The following SLC6A6 variants were observed in gnomAD, a reference collection of about 807,000 sequenced individuals.
SLC6A6 encodes the protein sodium- and chloride-dependent taurine transporter.
A neutral mutation model predicts 68.8 loss-of-function variants in SLC6A6; 16 were observed. The ratio of observed to expected loss-of-function variants is 0.23; its 90% confidence interval spans 0.16 to 0.35. The LOEUF (loss-of-function observed/expected upper bound fraction) is 0.35, where lower values mean the gene tolerates loss of function less well. SLC6A6 is among the 10% of genes least tolerant of loss of function. The probability of loss-of-function intolerance (pLI) is 1.00; values close to 1 mark genes in which losing one functional copy is unlikely to be tolerated. For synonymous variants in SLC6A6, 312 were observed against 315.4 expected (o/e 0.99, Z 0.12); for missense variants, 474 against 802.8 (o/e 0.59, Z 4.95).
rs1401538236 is a variant in SLC6A6, at chr3:14,468,693, GT to G, written c.1096+482del. Reference sequence around the variant, plus strand: ...TTTCTCGTGAATGAGTCCCAACTCTGTGTCAGGCACCACCGTAGGCACTGGG... The same window carrying G: ...TTTCTCGTGAATGAGTCCCAACTCTGGTCAGGCACCACCGTAGGCACTGGG... On this transcript the variant is annotated intron_variant, in intron 9 of 14. Transcript: ENST00000622186. The surrounding 1 kb of genome is among the most constrained non-coding windows in gnomAD (Gnocchi z 4.5). Among the ~76,000 whole-genome samples the G allele has an allele frequency of 6.6e-6, 1 of 152,166 alleles. No individual in the cohort carries two copies. The highest frequency in any genetic ancestry group is 2.4e-5 in the African/African-American group (1 of 41,434).
chr3:14,467,378 T>C (rs1209177087), intron 7 of SLC6A6, among the ~76,000 whole-genome samples: 4 of 152,128 alleles, frequency 2.6e-5, no homozygotes, highest in Non-Finnish European at 4.4e-5. Flanking sequence ...CCTTCTGCAT[T>C]CTAACTCGGG....
chr3:14,414,408 G>C (rs543787786), intron 1 of SLC6A6, among the ~76,000 whole-genome samples: 2 of 152,208 alleles, frequency 1.3e-5, no homozygotes, highest in African/African-American at 4.8e-5. Flanking sequence ...AGTCCATCTA[G>C]ACCCCTTGGG....
At chr3:14,419,224 C>A (rs1699433441) in intron 2 of SLC6A6, among the ~76,000 whole-genome samples, 1 of 152,204 alleles carries the variant, frequency 6.6e-6, no homozygotes, top group South Asian at 2.1e-4. Flanking sequence ...GCCCTCTTGG[C>A]TTAACACTTT....
intron 2 of SLC6A6, among the ~76,000 whole-genome samples, chr3:14,441,311 C>G (rs550720812): frequency 6.6e-6 from 1 of 152,112 alleles, no homozygotes; most frequent in Non-Finnish European, 1.5e-5. Context: ...ATGCGCCCAC[C>G]GAGCCAGCCC....
At chr3:14,464,718 T>TG (rs1700576560) in intron 6 of SLC6A6, among the ~76,000 whole-genome samples, 1 of 152,200 alleles carries the variant, frequency 6.6e-6, no homozygotes, top group South Asian at 2.1e-4. Flanking sequence ...AGCAGTGCCC[T>TG]GGCACTGCAC....
chr3:14,464,206 C>A (rs1049977032), intron 6 of SLC6A6, among the ~76,000 whole-genome samples: 1 of 152,162 alleles, frequency 6.6e-6, no homozygotes, highest in Non-Finnish European at 1.5e-5. Flanking sequence ...TGGCTTCAGA[C>A]CTGAGGGCCT....
At chr3:14,416,832 C>G (rs1699372651) in intron 2 of SLC6A6, among the ~76,000 whole-genome samples, 1 of 152,248 alleles carries the variant, frequency 6.6e-6, no homozygotes, top group Admixed American at 6.5e-5. Context: ...GAGCTTGGCT[C>G]TGTCTCTGTT....
chr3:14,435,732 C>T (rs1322290033), intron 2 of SLC6A6, among the ~76,000 whole-genome samples: 1 of 152,216 alleles, frequency 6.6e-6, no homozygotes, highest in African/African-American at 2.4e-5. Context: ...AGTCTGGCCC[C>T]CTCTGTGTTT....
In SLC6A6 at chr3:14,477,473, C is replaced by A; in HGVS notation, c.1347+131C>A. The stretch of plus-strand genomic sequence containing the variant: ...TCCCAGCCCCACCCAATTCAGGGGT[C>A]CTGCTTGGACCAACACTGGGGGTAG... On this transcript the variant is annotated intron_variant, in intron 11 of 14. Transcript: ENST00000622186. The surrounding 1 kb of genome is among the most constrained non-coding windows in gnomAD (Gnocchi z 4.2). The A allele has an allele frequency of 1.1e-6, 1 of 887,590 alleles. No individual in the cohort carries two copies. Among genetic ancestry groups the A allele is most frequent in the Non-Finnish European group, 1.8e-6 (1 of 566,644 alleles). The allele number at this position is 887,590 out of a possible 1,614,324, so 55.0% of individuals were successfully genotyped here.
intron 10 of SLC6A6, among the ~76,000 whole-genome samples, chr3:14,473,629 G>A (rs1310356034): frequency 6.6e-6 from 1 of 152,196 alleles, no homozygotes; most frequent in Non-Finnish European, 1.5e-5. Flanking sequence ...ATTTGGCAGA[G>A]AAGGGGGCAG....
intron 6 of SLC6A6, among the ~76,000 whole-genome samples, chr3:14,461,721 A>C (rs532927619): frequency 6.6e-6 from 1 of 152,168 alleles, no homozygotes; most frequent in South Asian, 2.1e-4. Flanking sequence ...AGGCCCTTTC[A>C]CTTTCTCAGC....
chr3:14,408,742 C>T (rs1440429414), intron 1 of SLC6A6, among the ~76,000 whole-genome samples: 1 of 151,988 alleles, frequency 6.6e-6, no homozygotes, highest in Admixed American at 6.6e-5. Context: ...GTTTTGATTT[C>T]CTCTTTGATC....
At chr3:14,441,432 C>T (rs548700159) in intron 2 of SLC6A6, among the ~76,000 whole-genome samples, 53 of 152,258 alleles carry the variant, frequency 3.5e-4, no homozygotes, top group African/African-American at 1.1e-3. Flanking sequence ...ATCCCGCGCC[C>T]GGCCCCGAGG....
intron 1 of SLC6A6, among the ~76,000 whole-genome samples, chr3:14,415,807 G>A (rs535361921): frequency 4.6e-5 from 7 of 152,202 alleles, no homozygotes; most frequent in South Asian, 4.2e-4. Flanking sequence ...AGTGATTCTC[G>A]CCCCTGAACT....
In SLC6A6 at chr3:14,445,289, C is replaced by T. The variant is rs560994928; in HGVS notation, c.230-428C>T. Among the ~76,000 whole-genome samples, 242 of 151,988 alleles carry T rather than the reference C, an allele frequency of 1.6e-3. 2 individuals carry two copies. The highest frequency in any genetic ancestry group is 4.3e-3 in the East Asian group (22 of 5,158). ...ACAAAAAATTAGCCGGGCGTGGTGGCGGGCGCCTGTAGTCCCAGCTACTCG... is the reference window on the plus strand; with the variant it reads ...ACAAAAAATTAGCCGGGCGTGGTGGTGGGCGCCTGTAGTCCCAGCTACTCG... On this transcript the variant is annotated intron_variant, in intron 3 of 14. Transcript: ENST00000622186.
chr3:14,403,018 C>A (rs1474690924), intron 1 of SLC6A6, among the ~76,000 whole-genome samples, 171 bp downstream of exon 1: 3 of 152,076 alleles, frequency 2.0e-5, no homozygotes, highest in Non-Finnish European at 4.4e-5. Flanking sequence ...GTCCCGCTGG[C>A]GGGGCTGTTA....
chr3:14,466,683 C>T, intron 7 of SLC6A6, 33 bp downstream of exon 7: 1 of 1,583,156 alleles, frequency 6.3e-7, no homozygotes, highest in Non-Finnish European at 8.6e-7. Flanking sequence ...CATCCTCCCT[C>T]CCATCCAGGG....
Position 14,458,087 on chromosome 3 carries a change from G to T in SLC6A6, c.732+5G>T. ...GGCGTCAGGTCCACTGGGAAGGTAAGTTGGACTTCTGTCCGTCCCCTGCCT... is the reference window on the plus strand; with the variant it reads ...GGCGTCAGGTCCACTGGGAAGGTAATTTGGACTTCTGTCCGTCCCCTGCCT... On this transcript the variant is annotated splice_donor_5th_base_variant and intron_variant, in intron 6 of 14. Transcript: ENST00000622186. 6.2e-7 allele frequency: 1 copy of T among 1,613,712 alleles called. No individual in the cohort carries two copies. The highest frequency in any genetic ancestry group is 8.5e-7 in the Non-Finnish European group (1 of 1,179,598).
At chr3:14,470,662 G>C (rs144480414) in intron 9 of SLC6A6, among the ~76,000 whole-genome samples, 2 of 152,192 alleles carry the variant, frequency 1.3e-5, no homozygotes, top group African/African-American at 4.8e-5. Flanking sequence ...TCCTCATTCA[G>C]TGTGGACCAG....
Sources: allele counts gnomAD v4.1 joint callset (sites outside exome capture counted in the v4.1 genomes callset), GRCh38; gene constraint gnomAD v4.1.1; non-coding constraint Gnocchi (gnomAD v3.1); transcripts MANE v1.5; gene names NCBI Gene and HGNC (gene_info 2026-07-23, HGNC 2026-07-21).